The following REV1 variants were observed in gnomAD, a reference collection of about 807,000 sequenced individuals.
REV1 encodes translesion synthesis protein REV1.
A neutral mutation model predicts 137.4 loss-of-function variants in REV1; 42 were observed. The observed-to-expected ratio is 0.31, with a 90% CI of 0.24 to 0.40. The LOEUF (loss-of-function observed/expected upper bound fraction) is 0.40, where lower values mean the gene tolerates loss of function less well. Ranked by LOEUF, REV1 falls within the 10% of genes least tolerant of loss-of-function variation. The pLI, the probability that REV1 is intolerant of heterozygous loss-of-function variation, is 1.00. For synonymous variants in REV1, 524 were observed against 519.2 expected, an observed-to-expected ratio of 1.01 and a Z score of -0.12; for missense variants, 1,282 against 1,490.1, an observed-to-expected ratio of 0.86 and a Z score of 2.30.
At position 99,424,251 on chromosome 2, in the gene REV1, A is replaced by G; in HGVS notation, c.1577T>C (p.Phe526Ser). 6.2e-7 allele frequency: 1 copy of G among 1,613,950 alleles called. No homozygotes were observed. The highest frequency in any genetic ancestry group is 8.5e-7 in the Non-Finnish European group (1 of 1,179,904). ...AGGACATAGTTGTTTAGCATGCCCAAAAAACATTCCGTTCTTAATGCCAAG... is the reference window on the plus strand; with the variant it reads ...AGGACATAGTTGTTTAGCATGCCCAGAAAACATTCCGTTCTTAATGCCAAG... ...RQLGIKNGMF[F>S]GHAKQLCPNL... Residue 526 changes from phenylalanine (F) to serine (S), a missense_variant, in exon 10 of 23, where the codon TTT (phenylalanine) becomes TCT (serine). Physicochemically the swap from Phe to Ser is radical, Grantham distance 155. Around this residue, in one of 7 missense-constraint regions of REV1, gnomAD observed 372 missense variants for 482.3 expected, o/e 0.77. Transcript: ENST00000258428.
chr2:99,412,815 A>G lies in REV1; in HGVS notation c.2088T>C (p.Arg696=). Residue 696 remains arginine, a synonymous_variant, in exon 13 of 23, where the codon CGT becomes CGC. Coordinates refer to ENST00000258428, the MANE Select transcript of REV1 (RefSeq NM_016316.4). ...KTGQMLYRFC[R]GLDDRPVRTE... ...TTCGAACTGGTCTATCATCCAAGCC[A>G]CGGCAGAACCTATAAAGCATCTGAC... is the stretch of plus-strand genomic sequence containing the variant. The G allele has an allele frequency of 6.2e-7, 1 of 1,614,166 alleles. No homozygotes were observed. Among genetic ancestry groups the G allele is most frequent in the East Asian group, 2.2e-5 (1 of 44,870 alleles).
chr2:99,405,142 C>T (rs1221600868), intron 17 of REV1: 1 of 166,192 alleles, frequency 6.0e-6, no homozygotes, highest in East Asian at 1.9e-4. Context: ...ACTCTGAGAG[C>T]AGCACACTGG....
Position 99,410,742 on chromosome 2 carries a change from T to C in REV1, c.2298A>G (p.Val766=). The C allele has an allele frequency of 6.2e-7, 1 of 1,609,038 alleles. No homozygotes were observed. Residue 766 remains valine (V), a synonymous_variant, in exon 14 of 23, where the codon GTA becomes GTG. Transcript: ENST00000258428. ...KIMVRKPGAP[V]ETAKFGGHGI... is the part of the protein sequence containing the mutation. Reference sequence around the variant, plus strand: ...CATGGCCTCCAAATTTTGCAGTTTCTACAGGAGCCCCAGGCTTTCGTACCA... The same window carrying C: ...CATGGCCTCCAAATTTTGCAGTTTCCACAGGAGCCCCAGGCTTTCGTACCA...
intron 5 of REV1, among the ~76,000 whole-genome samples, chr2:99,439,536 TA>T (rs1205953975): frequency 6.6e-6 from 1 of 152,126 alleles, no homozygotes; most frequent in Admixed American, 6.5e-5. Flanking sequence ...AGTAGCAAGA[TA>T]ACTAGAAAAA....
chr2:99,402,610 C>CAG (rs1026595256), intron 21 of REV1, 34 bp downstream of exon 21: 2 of 1,592,484 alleles, frequency 1.3e-6, no homozygotes, highest in African/African-American at 2.7e-5. Flanking sequence ...GACTACATCT[C>CAG]AGCCTTGGGC....
intron 13 of REV1, among the ~76,000 whole-genome samples, chr2:99,411,604 T>A (rs1677163723): frequency 6.6e-6 from 1 of 151,738 alleles, no homozygotes; most frequent in Admixed American, 6.6e-5. Context: ...AGACGGGGTT[T>A]CACCATGTTG....
At chr2:99,441,562 T>C (rs1409892588) in intron 5 of REV1, among the ~76,000 whole-genome samples, 2 of 152,142 alleles carry the variant, frequency 1.3e-5, no homozygotes, top group African/African-American at 4.8e-5. Context: ...TATTTACATA[T>C]TTAGAATGTT....
At chr2:99,413,238 A>G (rs1001533846) in intron 12 of REV1, among the ~76,000 whole-genome samples, 2 of 152,248 alleles carry the variant, frequency 1.3e-5, no homozygotes, top group African/African-American at 2.4e-5. Flanking sequence ...TTTCTTTATT[A>G]GTGAATAATA....
At chr2:99,457,902 A>C (rs577808971) in intron 3 of REV1, among the ~76,000 whole-genome samples, 1 of 152,104 alleles carries the variant, frequency 6.6e-6, no homozygotes, top group African/African-American at 2.4e-5. Flanking sequence ...AAATATGCCT[A>C]ACTGACTGTG....
At chr2:99,470,494 TAAAG>T (rs1241966544) in intron 1 of REV1, among the ~76,000 whole-genome samples, 1 of 152,352 alleles carries the variant, frequency 6.6e-6, no homozygotes, top group South Asian at 2.1e-4. Flanking sequence ...CTAGCCGTAA[TAAAG>T]AAATCAATGT....
At position 99,439,291 on chromosome 2, in the gene REV1, T is replaced by C. The variant is rs776213195; in HGVS notation, c.523A>G (p.Ile175Val). ...NNRVNHIVKK[I>V]ETENEVKVNG... The stretch of plus-strand genomic sequence containing the variant: ...ACTTTGACTTCATTTTCCGTTTCAA[T>C]CTTCTTAACGATGTGATTTCTAAAG... The change falls in exon 6 of 23, where the codon ATT becomes GTT. Residue 175 changes from isoleucine to valine, a missense_variant. Physicochemically the swap from Ile to Val is conservative, Grantham distance 29. This residue lies in a region of REV1 where 432 missense variants were observed against 438.0 expected (regional missense o/e 0.99). Transcript: ENST00000258428. 6 of 1,609,084 alleles carry C rather than the reference T, an allele frequency of 3.7e-6. No individual in the cohort carries two copies. Among genetic ancestry groups the C allele is most frequent in the Non-Finnish European group, 4.3e-6 (5 of 1,176,152 alleles).
At position 99,447,823 on chromosome 2, in the gene REV1, C is replaced by T. The variant is rs1233835273; in HGVS notation, c.350+1513G>A. Among the ~76,000 whole-genome samples the T allele has an allele frequency of 4.6e-5, 7 of 151,728 alleles. No individual in the cohort carries two copies. In the East Asian group the frequency reaches 1.2e-3, roughly 25 times the overall value. The stretch of plus-strand genomic sequence containing the variant: ...GAGCCTCCCATCTCCTGGGTTCACG[C>T]GATTCTCCTGCCTCAGCCTCCCAAG... On this transcript the variant is annotated intron_variant, in intron 4 of 22. Transcript: ENST00000258428.
intron 4 of REV1, among the ~76,000 whole-genome samples, chr2:99,444,280 T>C (rs1177199701): frequency 6.6e-6 from 1 of 152,246 alleles, no homozygotes. Flanking sequence ...TTATCATAGA[T>C]AGCTATAACT....
intron 1 of REV1, among the ~76,000 whole-genome samples, chr2:99,466,303 C>G (rs575643154): frequency 6.6e-6 from 1 of 151,806 alleles, no homozygotes; most frequent in Non-Finnish European, 1.5e-5. Flanking sequence ...AGTGCAGTGG[C>G]ACGATCTCGG....
At chr2:99,419,058 A>T in intron 11 of REV1, 111 bp from the exon 12 acceptor site, 1 of 919,682 alleles carries the variant, frequency 1.1e-6, no homozygotes, top group Non-Finnish European at 1.6e-6. Context: ...AATGAAAATA[A>T]ATTTTGATTA....
chr2:99,462,246 G>A (rs1182875185), intron 3 of REV1, among the ~76,000 whole-genome samples: 1 of 152,092 alleles, frequency 6.6e-6, no homozygotes, highest in Non-Finnish European at 1.5e-5. Flanking sequence ...CCCATGTGTG[G>A]TAATTTCCCG....
intron 1 of REV1, among the ~76,000 whole-genome samples, chr2:99,478,031 G>A (rs1432635892): frequency 1.3e-5 from 2 of 152,134 alleles, no homozygotes; most frequent in Admixed American, 6.5e-5. Context: ...TCAGGAGTTC[G>A]AGACCAGCCT....
intron 12 of REV1, among the ~76,000 whole-genome samples, chr2:99,415,731 A>G (rs886968814): frequency 6.6e-6 from 1 of 152,228 alleles, no homozygotes; most frequent in Non-Finnish European, 1.5e-5. Context: ...ATGAATGCCT[A>G]CATGATCATG....
chr2:99,477,866 C>T (rs970661417), intron 1 of REV1, among the ~76,000 whole-genome samples: 2 of 152,114 alleles, frequency 1.3e-5, no homozygotes, highest in African/African-American at 4.8e-5. Flanking sequence ...CCTGAAACAA[C>T]GACTAATGCT....
Sources: allele counts gnomAD v4.1 joint callset (sites outside exome capture counted in the v4.1 genomes callset), GRCh38; gene constraint gnomAD v4.1.1; regional missense constraint gnomAD v4.1.1; transcripts MANE v1.5; gene names NCBI Gene and HGNC (gene_info 2026-07-23, HGNC 2026-07-21).